Variants in ARIH2 observed in about 807,000 individuals in gnomAD.
ARIH2 encodes the protein ariadne RBR E3 ubiquitin protein ligase 2.
ARIH2 carries 12 observed loss-of-function variants against 79.8 expected under a neutral mutation model. That is an observed-to-expected ratio of 0.15 (90% CI 0.10 to 0.24). The LOEUF is 0.24. Ranked by LOEUF, ARIH2 falls within the 10% of genes least tolerant of loss-of-function variation. The pLI is 1.00. For synonymous variants in ARIH2, 224 were observed against 213.9 expected (o/e 1.05, Z -0.41); for missense variants, 301 against 618.3 (o/e 0.49, Z 5.44).
chr3:48,968,886 C>G (rs935382154), intron 7 of ARIH2, among the ~76,000 whole-genome samples: 1 of 152,070 alleles, frequency 6.6e-6, no homozygotes, highest in Non-Finnish European at 1.5e-5. Context: ...TCTTTGTGAC[C>G]ACTCTTTTTT....
chr3:48,974,765 TAAAAC>T, intron 9 of ARIH2, 47 bp from the exon 10 acceptor site: 1 of 1,606,132 alleles, frequency 6.2e-7, no homozygotes, highest in South Asian at 1.1e-5. Context: ...TAATTTGTCT[TAAAAC>T]CAACCTGGTG....
chr3:48,970,047 C>T (rs1470529312), intron 7 of ARIH2, among the ~76,000 whole-genome samples: 1 of 151,888 alleles, frequency 6.6e-6, no homozygotes, highest in East Asian at 1.9e-4. Context: ...CGCGCCACCA[C>T]ACCCAACTAA....
rs371986439 is a variant in ARIH2 at position 48,973,518 on chromosome 3, A to C, written c.771-181A>C. The C allele has an allele frequency of 1.0e-4, 47 of 460,886 alleles. No homozygotes were observed. In the East Asian group the frequency reaches 1.1e-3, roughly 11 times the overall value. 28.5% of individuals were successfully genotyped at this position (460,886 alleles called of 1,614,324 possible). On this transcript the variant is annotated intron_variant, in intron 8 of 15. Transcript: ENST00000356401. Reference sequence around the variant, plus strand: ...CATGAACCCGGGAGGCAGAGCTTGCAGTGAACCGAGATCACGCCACTACAC... The same window carrying C: ...CATGAACCCGGGAGGCAGAGCTTGCCGTGAACCGAGATCACGCCACTACAC...
At chr3:48,979,741 G>A in intron 12 of ARIH2, 108 bp downstream of exon 12, 4 of 1,225,392 alleles carry the variant, frequency 3.3e-6, no homozygotes, top group Non-Finnish European at 4.6e-6. Context: ...GCACATAGAA[G>A]TCAGTGAATG....
chr3:48,939,028 C>T (rs1010761885), intron 3 of ARIH2, among the ~76,000 whole-genome samples: 2 of 151,324 alleles, frequency 1.3e-5, no homozygotes, highest in Non-Finnish European at 2.9e-5. Context: ...AGTGCAGTGG[C>T]GTGATCTCAG....
At chr3:48,955,225 A>G (rs892025215) in intron 3 of ARIH2, among the ~76,000 whole-genome samples, 1 of 152,180 alleles carries the variant, frequency 6.6e-6, no homozygotes, top group Non-Finnish European at 1.5e-5. Flanking sequence ...AAAAGCATTC[A>G]TAAATAAATA....
chr3:48,931,840 T>G (rs955749447), intron 3 of ARIH2, among the ~76,000 whole-genome samples: 4 of 151,950 alleles, frequency 2.6e-5, no homozygotes, highest in African/African-American at 9.7e-5. Context: ...AAAACCTGTC[T>G]TTACTAAAAA....
At position 48,933,053 on chromosome 3, in the gene ARIH2, G is replaced by A. The variant is rs1195374136; in HGVS notation, c.255+5240G>A. 2.0e-5 allele frequency among the ~76,000 whole-genome samples: 3 copies of A among 152,218 alleles called. No homozygotes were observed. The South Asian group carries it at 6.2e-4, about 31-fold the overall frequency. ...CTGTTGGTGGAAAGGAATAGGTTTT[G>A]TAAACTATAGGAATAGGTTTTTAAT... On this transcript the variant is annotated intron_variant, in intron 3 of 15. Transcript: ENST00000356401.
chr3:48,951,414 G>GT (rs1373580456), intron 3 of ARIH2, among the ~76,000 whole-genome samples: 13 of 151,780 alleles, frequency 8.6e-5, no homozygotes, highest in East Asian at 5.8e-4. Flanking sequence ...GAATATTGGG[G>GT]TTTTTTTTCT....
chr3:48,929,284 C>A (rs1028623923), intron 3 of ARIH2, among the ~76,000 whole-genome samples: 3 of 151,908 alleles, frequency 2.0e-5, no homozygotes. Flanking sequence ...TTCTGCCCTG[C>A]TAGAGACAGC....
chr3:48,973,954 C>A, intron 9 of ARIH2, 138 bp downstream of exon 9: 1 of 610,772 alleles, frequency 1.6e-6, no homozygotes, highest in South Asian at 2.4e-5. Flanking sequence ...TGGGGACCCT[C>A]ACACAGAGTT....
chr3:48,934,616 G>A lies in ARIH2; in HGVS notation c.255+6803G>A, dbSNP rs375750863. ...ATTCCTGCGTTTCAAATAGCTGGCCGTTAATAGGTTTGTTAACATGTTTCA... is the reference window on the plus strand; with the variant it reads ...ATTCCTGCGTTTCAAATAGCTGGCCATTAATAGGTTTGTTAACATGTTTCA... On this transcript the variant is annotated intron_variant, in intron 3 of 15. Transcript: ENST00000356401. 4.8e-5 allele frequency: 47 copies of A among 985,328 alleles called. 2 individuals are homozygous for A. In the African/African-American group the frequency reaches 5.4e-4, roughly 11 times the overall value. 61.0% of individuals were successfully genotyped at this position (985,328 alleles called of 1,614,324 possible). A position where few individuals can be genotyped will look rare whatever the true frequency, so the allele number is the denominator to read the frequency against.
At chr3:48,923,193 C>G (rs2085062464) in intron 2 of ARIH2, among the ~76,000 whole-genome samples, 2 of 149,924 alleles carry the variant, frequency 1.3e-5, no homozygotes, top group Non-Finnish European at 1.5e-5. Flanking sequence ...GGCGACAGAG[C>G]GAGACTCCGT....
At chr3:48,969,889 T>C (rs985036026) in intron 7 of ARIH2, among the ~76,000 whole-genome samples, 2 of 151,250 alleles carry the variant, frequency 1.3e-5, no homozygotes, top group African/African-American at 4.9e-5. Flanking sequence ...TCCTCAGATA[T>C]ATGTTTTTTT....
chr3:48,934,472 C>G (rs751297667), intron 3 of ARIH2: 58 of 985,254 alleles, frequency 5.9e-5, no homozygotes, highest in Non-Finnish European at 6.1e-5. Context: ...GGGAAAGTAT[C>G]TTCAAGCTGG....
At chr3:48,981,017 A>C (rs1458818612) in intron 13 of ARIH2, among the ~76,000 whole-genome samples, 4 of 29,320 alleles carry the variant, frequency 1.4e-4, no homozygotes, top group Non-Finnish European at 2.6e-4. Context: ...CAAGACTGTC[A>C]AAAAAAAAAA....
At chr3:48,943,799 G>C (rs1344637916) in intron 3 of ARIH2, among the ~76,000 whole-genome samples, 1 of 152,076 alleles carries the variant, frequency 6.6e-6, no homozygotes, top group Non-Finnish European at 1.5e-5. Flanking sequence ...GGAGAAGATG[G>C]TACTACCATC....
chr3:48,935,906 C>T (rs2087043242), intron 3 of ARIH2, among the ~76,000 whole-genome samples: 1 of 152,082 alleles, frequency 6.6e-6, no homozygotes, highest in Non-Finnish European at 1.5e-5. Context: ...TCTGAGTGTG[C>T]GTATGATATT....
chr3:48,980,257 A>G (rs1215091733), intron 12 of ARIH2, 96 bp from the exon 13 acceptor site: 1 of 1,313,786 alleles, frequency 7.6e-7, no homozygotes, highest in Non-Finnish European at 1.1e-6. Context: ...GTCTGTGGCC[A>G]TGTCCTGCCA....
Sources: gnomAD v4.1 joint callset for allele counts (sites outside exome capture counted in the v4.1 genomes callset) on GRCh38, gnomAD v4.1.1 for gene constraint, MANE v1.5 for transcripts, NCBI Gene and HGNC (gene_info 2026-07-23, HGNC 2026-07-21) for gene names.